Variants in CLASP1 observed in about 807,000 individuals in gnomAD.
The protein encoded by CLASP1 is CLIP-associating protein 1.
In CLASP1, 38 loss-of-function variants were observed where a neutral mutation model predicts 192.3. That is an observed-to-expected ratio of 0.20 (90% CI 0.15 to 0.26). CLASP1 has a LOEUF of 0.26. CLASP1 is among the 10% of genes least tolerant of loss of function. The probability of loss-of-function intolerance (pLI) is 1.00; values close to 1 mark genes in which losing one functional copy is unlikely to be tolerated. For missense variants in CLASP1, 1,433 were observed against 1,932.5 expected (o/e 0.74, Z 4.85); for synonymous variants, 691 against 712.8 (o/e 0.97, Z 0.49).
chr2:121,454,509 C>A (rs1436562486), intron 14 of CLASP1, among the ~76,000 whole-genome samples: 3 of 152,034 alleles, frequency 2.0e-5, no homozygotes, highest in African/African-American at 7.2e-5. Flanking sequence ...TCGTCTTGGG[C>A]CACAAATAAA....
intron 8 of CLASP1, among the ~76,000 whole-genome samples, chr2:121,483,046 G>C (rs1038959524): frequency 6.6e-6 from 1 of 152,182 alleles, no homozygotes; most frequent in African/African-American, 2.4e-5. Flanking sequence ...AGGAGCAAGA[G>C]AGGGAGGGGA....
chr2:121,467,182 A>G (rs941894383), intron 9 of CLASP1, among the ~76,000 whole-genome samples: 7 of 152,182 alleles, frequency 4.6e-5, no homozygotes, highest in African/African-American at 1.2e-4. Context: ...GTATACATGT[A>G]CCACACTTTC....
chr2:121,376,405 T>G (rs1335655919), intron 34 of CLASP1, among the ~76,000 whole-genome samples: 1 of 151,462 alleles, frequency 6.6e-6, no homozygotes, highest in Non-Finnish European at 1.5e-5. Context: ...GGACATTAAG[T>G]GAAATAAATG....
chr2:121,531,140 T>G (rs1455920857), intron 2 of CLASP1: 7 of 613,148 alleles, frequency 1.1e-5, no homozygotes, highest in Non-Finnish European at 2.1e-5. Context: ...TTCTTTCAGT[T>G]TTTGCGGTGA....
chr2:121,354,705 C>T (rs369270087), intron 37 of CLASP1, among the ~76,000 whole-genome samples: 10 of 152,262 alleles, frequency 6.6e-5, no homozygotes, highest in South Asian at 2.1e-4. Flanking sequence ...CAGAAAACAC[C>T]GGATTCTGTA....
chr2:121,342,853 T>C (rs1316063819), intron 39 of CLASP1, among the ~76,000 whole-genome samples: 1 of 152,124 alleles, frequency 6.6e-6, no homozygotes, highest in African/African-American at 2.4e-5. Flanking sequence ...GGAGGATGGC[T>C]TGAGTCCAGG....
chr2:121,550,473 T>A (rs553172197), intron 2 of CLASP1, among the ~76,000 whole-genome samples: 11 of 151,342 alleles, frequency 7.3e-5, no homozygotes, highest in Non-Finnish European at 1.2e-4. Flanking sequence ...TAAAAAAAAA[T>A]TAATAAGATA....
intron 37 of CLASP1, among the ~76,000 whole-genome samples, chr2:121,353,654 A>T (rs543628131): frequency 6.6e-6 from 1 of 152,152 alleles, no homozygotes; most frequent in Non-Finnish European, 1.5e-5. Flanking sequence ...CTCCCACTAG[A>T]CTAAAAGTTC....
chr2:121,479,027 C>A (rs2092339293), intron 8 of CLASP1, among the ~76,000 whole-genome samples: 1 of 92,682 alleles, frequency 1.1e-5, no homozygotes, highest in Non-Finnish European at 2.2e-5. Context: ...CACACACACA[C>A]ACACCCCACA....
intron 7 of CLASP1, among the ~76,000 whole-genome samples, chr2:121,511,871 A>G (rs1355753814): frequency 2.6e-5 from 4 of 152,230 alleles, no homozygotes; most frequent in African/African-American, 7.2e-5. Context: ...AATTAAAAAT[A>G]AGTGATGTCT....
At chr2:121,426,507 GTC>G (rs1276559957) in intron 21 of CLASP1, among the ~76,000 whole-genome samples, 1 of 152,162 alleles carries the variant, frequency 6.6e-6, no homozygotes, top group African/African-American at 2.4e-5. Context: ...TCAAAATTGT[GTC>G]TGTGTGTGTA....
In CLASP1 at chr2:121,447,499, C is replaced by T. The variant is rs200838170; in HGVS notation, c.1750G>A (p.Val584Ile). 9.6e-5 allele frequency: 149 copies of T among 1,552,302 alleles called. No homozygotes were observed. Among genetic ancestry groups the T allele is most frequent in the Non-Finnish European group, 1.2e-4 (142 of 1,147,366 alleles). ...GTCGTTGACACAGATTTGGTACTAACTGTAGAAGCTTTAGTGATAAAGGAG... is the reference window on the plus strand; with the variant it reads ...GTCGTTGACACAGATTTGGTACTAATTGTAGAAGCTTTAGTGATAAAGGAG... The change falls in exon 19 of 40, where the codon GTT becomes ATT. Residue 584 changes from valine to isoleucine, a missense_variant. Val to Ile is a conservative substitution (Grantham distance 29). Around this residue, in one of 8 missense-constraint regions of CLASP1, gnomAD observed 445 missense variants for 535.5 expected, o/e 0.83. Transcript: ENST00000263710.
At chr2:121,644,927 C>CAG (rs2072877007) in intron 1 of CLASP1, among the ~76,000 whole-genome samples, 1 of 146,092 alleles carries the variant, frequency 6.8e-6, no homozygotes, top group South Asian at 2.2e-4. Context: ...CACTGCACTC[C>CAG]AGCTTGATCA....
intron 16 of CLASP1, 129 bp downstream of exon 16, chr2:121,450,784 G>T: frequency 1.6e-6 from 1 of 614,740 alleles, no homozygotes; most frequent in South Asian, 2.3e-5. Context: ...TGGCCTTTTG[G>T]GGGTCATGTT....
intron 2 of CLASP1, among the ~76,000 whole-genome samples, chr2:121,557,772 AG>A: frequency 6.6e-6 from 1 of 151,698 alleles, no homozygotes; most frequent in African/African-American, 2.4e-5. Context: ...AAAAGAAAAA[AG>A]AAAAAAAAAG....
At chr2:121,562,797 C>G (rs1375566648) in intron 2 of CLASP1, among the ~76,000 whole-genome samples, 1 of 152,190 alleles carries the variant, frequency 6.6e-6, no homozygotes, top group African/African-American at 2.4e-5. Context: ...CTCCTGCTTT[C>G]GATTTTATTC....
At chr2:121,427,551 C>T in intron 20 of CLASP1, 121 bp from the exon 21 acceptor site, 1 of 966,580 alleles carries the variant, frequency 1.0e-6, no homozygotes, top group South Asian at 1.4e-5. Context: ...ATTAGCAAAA[C>T]AGCTATATTT....
At chr2:121,600,950 T>C (rs2063715946) in intron 2 of CLASP1, among the ~76,000 whole-genome samples, 1 of 152,190 alleles carries the variant, frequency 6.6e-6, no homozygotes, top group Non-Finnish European at 1.5e-5. Flanking sequence ...AAAGTCACTC[T>C]AGCAAATGTG....
intron 26 of CLASP1, 173 bp downstream of exon 27, chr2:121,404,198 T>C (rs537565867): frequency 1.2e-6 from 1 of 828,698 alleles, no homozygotes; most frequent in East Asian, 1.2e-4. Flanking sequence ...ACATTTAAGT[T>C]TCCAAGAATT....
Sources: allele counts gnomAD v4.1 joint callset (sites outside exome capture counted in the v4.1 genomes callset), GRCh38; gene constraint gnomAD v4.1.1; regional missense constraint gnomAD v4.1.1; transcripts MANE v1.5; gene names NCBI Gene and HGNC (gene_info 2026-07-23, HGNC 2026-07-21).